The following SLC44A5 variants were observed in gnomAD, a reference collection of about 807,000 sequenced individuals.
The protein encoded by SLC44A5 is choline transporter-like protein 5.
A neutral mutation model predicts 101.8 loss-of-function variants in SLC44A5; 57 were observed. That is an observed-to-expected ratio of 0.56 (90% confidence interval 0.45 to 0.70). The LOEUF is 0.70. Ranked by LOEUF, SLC44A5 falls within the 30% of genes least tolerant of loss-of-function variation. SLC44A5 has a pLI of 0.00. For synonymous variants in SLC44A5, 281 were observed against 290.9 expected (o/e 0.97, Z 0.35); for missense variants, 737 against 853.1 (o/e 0.86, Z 1.70).
intron 1 of SLC44A5, among the ~76,000 whole-genome samples, chr1:75,574,213 A>C (rs1673243078): frequency 6.6e-6 from 1 of 152,166 alleles, no homozygotes; most frequent in Admixed American, 6.5e-5. Flanking sequence ...TCATTTTCTG[A>C]GTTGCATTTT....
At chr1:75,659,633 A>C in the SLC44A5 span, among the ~76,000 whole-genome samples, 1 of 148,652 alleles carries the variant, frequency 6.7e-6, no homozygotes, top group Non-Finnish European at 1.5e-5. Flanking sequence ...CTACCAAAAA[A>C]AAAAAAAAAA....
intron 23 of SLC44A5, 118 bp downstream of exon 23, chr1:75,211,350 G>A (rs979585151): frequency 4.6e-6 from 3 of 658,988 alleles, no homozygotes; most frequent in South Asian, 3.8e-5. Context: ...AGATAAACAC[G>A]TTTTGTGGTT....
chr1:75,479,945 C>T (rs1468814119), intron 2 of SLC44A5, among the ~76,000 whole-genome samples: 1 of 151,996 alleles, frequency 6.6e-6, no homozygotes, highest in Non-Finnish European at 1.5e-5. Context: ...AGAGACACAA[C>T]CAAAAAAAGA....
chr1:75,599,313 T>C (rs1054883902), intron 1 of SLC44A5, among the ~76,000 whole-genome samples: 5 of 152,172 alleles, frequency 3.3e-5, no homozygotes, highest in Non-Finnish European at 7.3e-5. Context: ...GCACTGTTTT[T>C]TCAAGCATCA....
chr1:75,238,322 C>A (rs1378846192), intron 10 of SLC44A5, among the ~76,000 whole-genome samples, 191 bp downstream of exon 10: 6 of 145,458 alleles, frequency 4.1e-5, no homozygotes, highest in Non-Finnish European at 9.0e-5. Context: ...CTGGGTTCTC[C>A]CTTACATGTT....
the SLC44A5 span, among the ~76,000 whole-genome samples, chr1:75,683,653 G>A: frequency 6.6e-6 from 1 of 152,126 alleles, no homozygotes; most frequent in Non-Finnish European, 1.5e-5. Flanking sequence ...TATACCTAAT[G>A]CTAGATGACG....
chr1:75,334,957 C>G (rs1361110904), intron 4 of SLC44A5, among the ~76,000 whole-genome samples: 6 of 152,142 alleles, frequency 3.9e-5, no homozygotes, highest in Admixed American at 3.9e-4. Flanking sequence ...GCTTGGCTGA[C>G]TCTTCAGTTA....
chr1:75,469,354 T>C (rs1666981339), intron 2 of SLC44A5, among the ~76,000 whole-genome samples: 1 of 152,176 alleles, frequency 6.6e-6, no homozygotes, highest in African/African-American at 2.4e-5. Flanking sequence ...AAAATACTTA[T>C]GAAAGGTAAA....
intron 3 of SLC44A5, among the ~76,000 whole-genome samples, chr1:75,349,136 G>T (rs574112282): frequency 9.9e-5 from 15 of 152,180 alleles, no homozygotes; most frequent in Non-Finnish European, 1.9e-4. Flanking sequence ...GATCACCAGA[G>T]GTCAGGAGTT....
At chr1:75,206,729 C>T in intron 23 of SLC44A5, 1 of 1,501,718 alleles carries the variant, frequency 6.7e-7, no homozygotes, top group Non-Finnish European at 9.2e-7. Context: ...CCTGTATATG[C>T]AGCAGCCAAA....
At chr1:75,642,725 T>C in the SLC44A5 span, among the ~76,000 whole-genome samples, 1 of 152,030 alleles carries the variant, frequency 6.6e-6, no homozygotes, top group Non-Finnish European at 1.5e-5. Context: ...GAGCTTACTA[T>C]AAATTAAATT....
At chr1:75,306,232 A>G (rs1164720399) in intron 4 of SLC44A5, among the ~76,000 whole-genome samples, 1 of 152,194 alleles carries the variant, frequency 6.6e-6, no homozygotes, top group East Asian at 1.9e-4. Flanking sequence ...TAAAATATTT[A>G]CCACCTGGAC....
chr1:75,609,716 T>C (rs1675539049), intron 1 of SLC44A5, among the ~76,000 whole-genome samples: 1 of 152,034 alleles, frequency 6.6e-6, no homozygotes, highest in Admixed American at 6.6e-5. Context: ...TTCAGCCCAA[T>C]TCACTAAATA....
At chr1:75,567,155 A>T (rs556064104) in intron 1 of SLC44A5, among the ~76,000 whole-genome samples, 1 of 150,536 alleles carries the variant, frequency 6.6e-6, no homozygotes, top group South Asian at 2.1e-4. Flanking sequence ...ACAGAGCCAT[A>T]CTGCTTCTGC....
chr1:75,327,610 T>C (rs1381614972), intron 4 of SLC44A5, among the ~76,000 whole-genome samples: 1 of 152,202 alleles, frequency 6.6e-6, no homozygotes, highest in Non-Finnish European at 1.5e-5. Flanking sequence ...AAGTAACGCT[T>C]AGCTGACAGG....
chr1:75,434,750 T>C (rs1391725615), intron 2 of SLC44A5, among the ~76,000 whole-genome samples: 6 of 152,156 alleles, frequency 3.9e-5, no homozygotes, highest in African/African-American at 1.4e-4. Context: ...GAATCCACTC[T>C]GTATTACTCC....
At chr1:75,712,394 G>T in the SLC44A5 span, among the ~76,000 whole-genome samples, 1 of 152,196 alleles carries the variant, frequency 6.6e-6, no homozygotes, top group Admixed American at 6.5e-5. Flanking sequence ...GTAAAAGAAA[G>T]AAGTCATTAA....
At chr1:75,465,752 C>T (rs1231406423) in intron 2 of SLC44A5, among the ~76,000 whole-genome samples, 1 of 152,040 alleles carries the variant, frequency 6.6e-6, no homozygotes, top group African/African-American at 2.4e-5. Flanking sequence ...CTATGAGCAA[C>T]TATATGCCAA....
intron 9 of SLC44A5, among the ~76,000 whole-genome samples, chr1:75,240,805 T>G (rs1648556968): frequency 6.6e-6 from 1 of 151,968 alleles, no homozygotes; most frequent in South Asian, 2.1e-4. Context: ...AGTGAATAAA[T>G]AGAAAAAAGA....
Sources: allele counts gnomAD v4.1 joint callset (sites outside exome capture counted in the v4.1 genomes callset), GRCh38; gene constraint gnomAD v4.1.1; transcripts MANE v1.5; gene names NCBI Gene and HGNC (gene_info 2026-07-23, HGNC 2026-07-21).